ASTN2: variants seen among roughly 807,000 people sequenced by gnomAD.
ASTN2 encodes astrotactin-2.
In ASTN2, 54 loss-of-function variants were observed where a neutral mutation model predicts 139.8. The ratio of observed to expected loss-of-function variants is 0.39; its 90% CI spans 0.31 to 0.48. ASTN2 has a LOEUF of 0.48. Among genes scored for constraint, ASTN2 ranks in the 20% least tolerant of loss-of-function variants. The pLI is 0.95. For synonymous variants in ASTN2, 756 were observed against 719.5 expected (o/e 1.05, Z -0.81); for missense variants, 1,565 against 1,725.1 (o/e 0.91, Z 1.64).
At chr9:117,355,622 A>G (rs1436759316) in intron 1 of ASTN2, among the ~76,000 whole-genome samples, 1 of 152,178 alleles carries the variant, frequency 6.6e-6, no homozygotes, top group Non-Finnish European at 1.5e-5. Context: ...CAAGTCCTCA[A>G]GATTCCTGGG....
intron 20 of ASTN2, among the ~76,000 whole-genome samples, chr9:116,467,996 C>A (rs1848702340): frequency 6.6e-6 from 1 of 152,182 alleles, no homozygotes; most frequent in Non-Finnish European, 1.5e-5. Context: ...GGTGCAGAAC[C>A]AAATTTCCAG....
intron 13 of ASTN2, among the ~76,000 whole-genome samples, chr9:116,755,127 G>A (rs966428532): frequency 2.0e-5 from 3 of 152,010 alleles, no homozygotes; most frequent in African/African-American, 4.8e-5. Flanking sequence ...CCCAGCTATG[G>A]CCTAAGCTCC....
intron 19 of ASTN2, among the ~76,000 whole-genome samples, chr9:116,531,272 T>G (rs947151964): frequency 5.9e-5 from 9 of 152,242 alleles, no homozygotes; most frequent in Non-Finnish European, 7.3e-5. Flanking sequence ...ATGTCTTAAA[T>G]GTATGGCCAT....
intron 3 of ASTN2, among the ~76,000 whole-genome samples, chr9:117,202,951 C>G (rs1357164792): frequency 6.6e-6 from 1 of 152,084 alleles, no homozygotes; most frequent in East Asian, 1.9e-4. Context: ...TTCCATTTTT[C>G]CTGTCTCCTT....
Position 116,442,525 on chromosome 9 carries a change from C to A in ASTN2, c.3526G>T (p.Gly1176Trp). ...KFTLYAVDTRGRHSELSTVTL... is the reference protein window; with the variant it reads ...KFTLYAVDTRWRHSELSTVTL... ...ACCGTGCTTAGCTCTGAGTGCCTCC[C>A]TCGTGTATCCACAGCATACAGAGTG... Residue 1176 changes from glycine (G) to tryptophan (W), a missense_variant, in exon 21 of 23, where the codon GGG (glycine) becomes TGG (tryptophan). Gly to Trp is a radical substitution (Grantham distance 184). Around this residue, in one of 4 missense-constraint regions of ASTN2, gnomAD observed 418 missense variants for 465.8 expected, o/e 0.90. Transcript: ENST00000313400. 1 of 1,614,136 alleles carries A rather than the reference C, an allele frequency of 6.2e-7. No homozygotes were observed. The highest frequency in any genetic ancestry group is 1.1e-5 in the South Asian group (1 of 91,072).
At chr9:116,763,522 A>C (rs1829728195) in intron 13 of ASTN2, among the ~76,000 whole-genome samples, 1 of 152,174 alleles carries the variant, frequency 6.6e-6, no homozygotes, top group African/African-American at 2.4e-5. Context: ...GCAAAGAGGC[A>C]AGAGAATACC....
intron 10 of ASTN2, among the ~76,000 whole-genome samples, chr9:116,896,609 G>T (rs922396224): frequency 6.6e-6 from 1 of 152,142 alleles, no homozygotes; most frequent in African/African-American, 2.4e-5. Context: ...ATGAGCTGCC[G>T]TGCCCCTCCT....
At chr9:117,316,449 T>G in intron 1 of ASTN2, among the ~76,000 whole-genome samples, 1 of 152,226 alleles carries the variant, frequency 6.6e-6, no homozygotes, top group East Asian at 1.9e-4. Context: ...TGGTAGTTTC[T>G]TCACTCTCTC....
intron 6 of ASTN2, among the ~76,000 whole-genome samples, chr9:117,009,706 C>A (rs150541566): frequency 0.01 from 1,586 of 152,294 alleles, 20 homozygotes; most frequent in Middle Eastern, 0.041. Context: ...AGAAACACAT[C>A]TTTGTGTATG....
At chr9:116,691,630 T>C (rs926390401) in intron 16 of ASTN2, among the ~76,000 whole-genome samples, 2 of 152,232 alleles carry the variant, frequency 1.3e-5, no homozygotes, top group African/African-American at 4.8e-5. Context: ...TGTGTTTCCC[T>C]ATAAGCCCCT....
In ASTN2 at chr9:117,170,577, AG is replaced by A. The variant is rs1830768760; in HGVS notation, c.1016-29100del. 2.0e-5 allele frequency among the ~76,000 whole-genome samples: 3 copies of A among 152,150 alleles called. No homozygotes were observed. The South Asian group carries it at 6.2e-4, about 32-fold the overall frequency. On this transcript the variant is annotated intron_variant, in intron 3 of 22. Transcript: ENST00000313400. ...TAAAGAGAAAGATCAGGCAGGAAAA[AG>A]AAGCATGAATTGCTGGAGTGAGTGC...
At chr9:117,192,686 A>C (rs1831380022) in intron 3 of ASTN2, among the ~76,000 whole-genome samples, 2 of 152,316 alleles carry the variant, frequency 1.3e-5, no homozygotes, top group South Asian at 4.1e-4. Flanking sequence ...TGTAGATATA[A>C]CAAGTTGTTT....
At chr9:117,302,339 G>A (rs1834897474) in intron 1 of ASTN2, among the ~76,000 whole-genome samples, 1 of 152,084 alleles carries the variant, frequency 6.6e-6, no homozygotes, top group Non-Finnish European at 1.5e-5. Context: ...GTTAAATAAG[G>A]ACCAGAGAAG....
intron 2 of ASTN2, among the ~76,000 whole-genome samples, chr9:117,226,933 C>A (rs1404638430): frequency 6.6e-6 from 1 of 152,094 alleles, no homozygotes; most frequent in Non-Finnish European, 1.5e-5. Flanking sequence ...AAATACTGTG[C>A]CAACAACAAA....
At chr9:117,022,144 TTG>T (rs1208575976) in intron 6 of ASTN2, among the ~76,000 whole-genome samples, 1 of 152,102 alleles carries the variant, frequency 6.6e-6, no homozygotes, top group African/African-American at 2.4e-5. Context: ...ACACATCAGA[TTG>T]TGTGTGTGCA....
intron 1 of ASTN2, among the ~76,000 whole-genome samples, chr9:117,386,810 G>A (rs1335183406): frequency 2.6e-5 from 4 of 152,126 alleles, no homozygotes; most frequent in East Asian, 1.9e-4. Context: ...CCTTGGCTAA[G>A]CTCCTGCTAT....
intron 11 of ASTN2, among the ~76,000 whole-genome samples, chr9:116,838,109 T>G (rs71505585): frequency 0.22 from 30,273 of 136,666 alleles, 4,128 homozygotes; most frequent in Middle Eastern, 0.31. Context: ...GTGTTTTTTT[T>G]TGTTTTGTTT....
chr9:117,165,039 T>C (rs1434672216), intron 3 of ASTN2, among the ~76,000 whole-genome samples: 3 of 152,048 alleles, frequency 2.0e-5, no homozygotes, highest in Admixed American at 2.0e-4. Context: ...ATGAAGTATT[T>C]GAACATACAG....
chr9:117,013,523 A>G (rs1837592632), intron 6 of ASTN2, among the ~76,000 whole-genome samples: 1 of 150,828 alleles, frequency 6.6e-6, no homozygotes, highest in South Asian at 2.1e-4. Context: ...GGGAATATAC[A>G]TCATCTAATT....
Sources: allele counts gnomAD v4.1 joint callset (sites outside exome capture counted in the v4.1 genomes callset), GRCh38; gene constraint gnomAD v4.1.1; regional missense constraint gnomAD v4.1.1; transcripts MANE v1.5; gene names NCBI Gene and HGNC (gene_info 2026-07-23, HGNC 2026-07-21).